The following BCL7A variants were observed in gnomAD, a reference collection of about 807,000 sequenced individuals.
BCL7A encodes the protein BAF chromatin remodeling complex subunit BCL7A.
BCL7A carries 11 observed loss-of-function variants against 28.4 expected under a neutral mutation model. That is an observed-to-expected ratio of 0.39 (90% CI 0.24 to 0.64). The LOEUF is 0.64. Among genes scored for constraint, BCL7A ranks in the 30% least tolerant of loss-of-function variants. The pLI, the probability that BCL7A is intolerant of heterozygous loss-of-function variation, is 0.50. For synonymous variants in BCL7A, 123 were observed against 103.3 expected (o/e 1.19, Z -1.15); for missense variants, 222 against 274.8 (o/e 0.81, Z 1.36).
chr12:122,023,080 G>A (rs1883509529), intron 1 of BCL7A, among the ~76,000 whole-genome samples: 1 of 152,270 alleles, frequency 6.6e-6, no homozygotes, highest in Admixed American at 6.5e-5. Flanking sequence ...GATCACATTA[G>A]CGTCCGCCCG....
Position 122,059,148 on chromosome 12 carries a change from C to T in BCL7A, c.618C>T (p.Asn206=), listed in dbSNP as rs1285876476. The T allele has an allele frequency of 1.2e-6, 2 of 1,611,962 alleles. No individual in the cohort carries two copies. The highest frequency in any genetic ancestry group is 1.7e-6 in the Non-Finnish European group (2 of 1,178,028). Residue 206 remains asparagine (N), a synonymous_variant, in exon 6 of 6, where the codon AAC becomes AAT. Coordinates refer to ENST00000261822, the MANE Select transcript of BCL7A (RefSeq NM_001024808.3). This position sits in a 1 kb window ranked among gnomAD's most constrained non-coding sequence, Gnocchi z 4.0. ...KKMKLEASQQ[N]SEEM is the part of the protein sequence containing the mutation. ...TGAAACTGGAGGCCTCTCAACAAAA[C>T]TCCGAAGAGATGTAGACGATGCTTT...
chr12:122,036,029 C>T (rs979964264), intron 3 of BCL7A, among the ~76,000 whole-genome samples: 2 of 152,016 alleles, frequency 1.3e-5, no homozygotes, highest in Admixed American at 6.6e-5. Context: ...TTTAGTAAGA[C>T]GGGGTTCCAC....
At chr12:122,040,550 A>C (rs1003721696) in intron 3 of BCL7A, among the ~76,000 whole-genome samples, 1 of 150,644 alleles carries the variant, frequency 6.6e-6, no homozygotes, top group Non-Finnish European at 1.5e-5. Context: ...AAAAAAAAAA[A>C]CCAAAAGATC....
At chr12:122,058,529 C>G (rs571908865) in intron 5 of BCL7A, among the ~76,000 whole-genome samples, 1 of 152,024 alleles carries the variant, frequency 6.6e-6, no homozygotes, top group African/African-American at 2.4e-5. Flanking sequence ...CATGGTGGCG[C>G]GTGCCTGTAA....
chr12:122,043,801 G>A, intron 3 of BCL7A, 85 bp from the exon 4 acceptor site: 1 of 1,402,986 alleles, frequency 7.1e-7, no homozygotes, highest in Non-Finnish European at 9.5e-7. Context: ...CGGGCATTGA[G>A]GCACAGGGAT....
At chr12:122,054,345 C>T (rs1442388598) in intron 4 of BCL7A, among the ~76,000 whole-genome samples, 9 of 152,204 alleles carry the variant, frequency 5.9e-5, no homozygotes, top group Admixed American at 5.9e-4. Flanking sequence ...CCTCGGCCTC[C>T]CAAAGTGCTG....
chr12:122,048,687 C>T (rs977588297), intron 4 of BCL7A, among the ~76,000 whole-genome samples: 1 of 151,664 alleles, frequency 6.6e-6, no homozygotes, highest in Non-Finnish European at 1.5e-5. Flanking sequence ...AGTTTGAGAC[C>T]AGCCTGGGCA....
At chr12:122,025,559 G>A (rs1277727041) in intron 1 of BCL7A, among the ~76,000 whole-genome samples, 2 of 151,778 alleles carry the variant, frequency 1.3e-5, no homozygotes, top group African/African-American at 4.8e-5. Flanking sequence ...CCCAGGAGGT[G>A]GAGCTTGCAG....
chr12:122,060,146 C>T lies in BCL7A; in HGVS notation c.*983C>T, dbSNP rs1357885489. The T allele has an allele frequency of 4.3e-6, 1 of 233,224 alleles. No homozygotes were observed. The highest frequency in any genetic ancestry group is 2.2e-5 in the African/African-American group (1 of 45,448). The allele number at this position is 233,224 out of a possible 1,614,324, so 14.4% of individuals were successfully genotyped here. A position where few individuals can be genotyped will look rare whatever the true frequency, so the allele number is the denominator to read the frequency against. ...GATTAGCTGGTGCTGAACTTTCTCTCATAGGACGTCGCTTGGATTTCAAAT... is the reference window on the plus strand; with the variant it reads ...GATTAGCTGGTGCTGAACTTTCTCTTATAGGACGTCGCTTGGATTTCAAAT... On this transcript the variant is annotated 3_prime_UTR_variant, in exon 6 of 6. Coordinates refer to ENST00000261822, the MANE Select transcript of BCL7A (RefSeq NM_001024808.3).
chr12:122,029,088 G>A lies in BCL7A; in HGVS notation c.93-1612G>A, dbSNP rs567526665. On this transcript the variant is annotated intron_variant, in intron 1 of 5. Transcript: ENST00000261822. This position sits in a 1 kb window ranked among gnomAD's most constrained non-coding sequence, Gnocchi z 4.3. The stretch of plus-strand genomic sequence containing the variant: ...AACAGCTGTGCTGGGTGAAGGGTTC[G>A]AGTGCTGGCTCTGGGAGAATGAGTT... Among the ~76,000 whole-genome samples the A allele has an allele frequency of 7.9e-5, 12 of 152,300 alleles. No homozygotes were observed. The East Asian group carries it at 1.9e-3, about 24-fold the overall frequency.
intron 4 of BCL7A, among the ~76,000 whole-genome samples, chr12:122,044,899 G>C (rs182617448): frequency 6.2e-4 from 95 of 152,226 alleles, no homozygotes; most frequent in African/African-American, 2.2e-3. Context: ...GATAAGTGTG[G>C]CAGAGAATTA....
chr12:122,028,212 A>C (rs1224418787), intron 1 of BCL7A, among the ~76,000 whole-genome samples: 1 of 152,190 alleles, frequency 6.6e-6, no homozygotes, highest in Non-Finnish European at 1.5e-5. Flanking sequence ...GGGTAACTTG[A>C]GAACTCGGTG....
chr12:122,054,765 G>C (rs766356628), intron 4 of BCL7A, 40 bp from the exon 5 acceptor site: 1 of 1,598,246 alleles, frequency 6.3e-7, no homozygotes, highest in African/African-American at 1.3e-5. Flanking sequence ...CGCCTCTCAC[G>C]TGTCTGAAAA....
At chr12:122,032,733 C>G (rs1337136031) in intron 2 of BCL7A, among the ~76,000 whole-genome samples, 4 of 152,184 alleles carry the variant, frequency 2.6e-5, no homozygotes, top group African/African-American at 9.7e-5. Flanking sequence ...TGCAACAGAG[C>G]AAAAGCAATA....
At chr12:122,049,225 T>TA (rs72232692) in intron 4 of BCL7A, among the ~76,000 whole-genome samples, 6,581 of 119,672 alleles carry the variant, frequency 0.055, 623 homozygotes, top group African/African-American at 0.2. Context: ...GACCCTGTCT[T>TA]AAAAAAAAAA....
At chr12:122,030,896 C>T (rs1304486704) in intron 2 of BCL7A, 115 bp downstream of exon 2, 3 of 1,081,092 alleles carry the variant, frequency 2.8e-6, no homozygotes, top group East Asian at 5.0e-5. Flanking sequence ...ACCAAGAGCC[C>T]CTGGGAGTAG....
At chr12:122,022,534 G>A (rs1277407364) in intron 1 of BCL7A, among the ~76,000 whole-genome samples, 2 of 143,794 alleles carry the variant, frequency 1.4e-5, no homozygotes, top group South Asian at 2.2e-4. Context: ...AAGCCATTTC[G>A]TTTTGTGCAA....
intron 5 of BCL7A, among the ~76,000 whole-genome samples, chr12:122,057,377 T>A (rs1414993385): frequency 6.6e-6 from 1 of 152,226 alleles, no homozygotes; most frequent in Non-Finnish European, 1.5e-5. Context: ...GCCTTCTTGG[T>A]CCTGGTGAGG....
rs936611979 is a variant in BCL7A, at chr12:122,045,032, G to A, written c.439+979G>A. The stretch of plus-strand genomic sequence containing the variant: ...AACTGGGCGACTGAGCAAGCCATGT[G>A]GGGATCTGGGAGGAGAGCAGTGTGG... On this transcript the variant is annotated intron_variant, in intron 4 of 5. Coordinates refer to ENST00000261822, the MANE Select transcript of BCL7A (RefSeq NM_001024808.3). 2.6e-5 allele frequency among the ~76,000 whole-genome samples: 4 copies of A among 152,178 alleles called. No individual in the cohort carries two copies. The South Asian group carries it at 8.3e-4, about 32-fold the overall frequency.
Sources: gnomAD v4.1 joint callset for allele counts (sites outside exome capture counted in the v4.1 genomes callset) on GRCh38, gnomAD v4.1.1 for gene constraint, Gnocchi (gnomAD v3.1) non-coding constraint, MANE v1.5 for transcripts, NCBI Gene and HGNC (gene_info 2026-07-23, HGNC 2026-07-21) for gene names.